The following TARS2 variants were observed in gnomAD, a reference collection of about 807,000 sequenced individuals.
The protein encoded by TARS2 is threonyl-tRNA synthetase 2, mitochondrial.
A neutral mutation model predicts 94.4 loss-of-function variants in TARS2; 61 were observed. That is an observed-to-expected ratio of 0.65 (90% CI 0.53 to 0.80). The LOEUF (loss-of-function observed/expected upper bound fraction) is 0.80, where lower values mean the gene tolerates loss of function less well. Among genes scored for constraint, TARS2 ranks in the 30% least tolerant of loss-of-function variants. The pLI is 0.00. For missense variants in TARS2, 704 were observed against 902.5 expected (o/e 0.78, Z 2.82); for synonymous variants, 359 against 353.4 (o/e 1.02, Z -0.18).
At chr1:150,498,186 G>A (rs1263231068) in intron 10 of TARS2, among the ~76,000 whole-genome samples, 2 of 152,062 alleles carry the variant, frequency 1.3e-5, no homozygotes, top group Non-Finnish European at 2.9e-5. Flanking sequence ...GTAAATTTGG[G>A]AAACTCATTT....
At position 150,497,618 on chromosome 1, in the gene TARS2, A is replaced by C; in HGVS notation, c.1109A>C (p.His370Pro). Residue 370 changes from histidine to proline, a missense_variant, in exon 10 of 18, where the codon CAT becomes CCT. His to Pro is a moderately conservative substitution (Grantham distance 77). This residue lies in a region of TARS2 where 466 missense variants were observed against 609.5 expected (regional missense o/e 0.76). Coordinates refer to ENST00000369064, the MANE Select transcript of TARS2 (RefSeq NM_025150.5). ...KLWEQSGHWE[H>P]YQEDMFAVQP... is the part of the protein sequence containing the mutation. Reference sequence around the variant, plus strand: ...TGGGAACAGTCAGGGCACTGGGAGCATTATCAGGAAGACATGTTTGCCGTG... The same window carrying C: ...TGGGAACAGTCAGGGCACTGGGAGCCTTATCAGGAAGACATGTTTGCCGTG... The C allele has an allele frequency of 6.2e-7, 1 of 1,614,148 alleles. No homozygotes were observed. The highest frequency in any genetic ancestry group is 8.5e-7 in the Non-Finnish European group (1 of 1,180,022).
At chr1:150,492,161 T>C (rs1177132696) in intron 6 of TARS2, 1 of 392,390 alleles carries the variant, frequency 2.5e-6, no homozygotes, top group Non-Finnish European at 4.7e-6. Context: ...AGACGGGGTT[T>C]CACCATATTG....
intron 6 of TARS2, 50 bp from the exon 7 acceptor site, chr1:150,492,361 T>C: frequency 6.3e-7 from 1 of 1,580,950 alleles, no homozygotes; most frequent in Non-Finnish European, 8.7e-7. Flanking sequence ...GGGAGAAAGC[T>C]AGAAGCTGAA....
At position 150,507,379 on chromosome 1, in the gene TARS2, C is replaced by T. The variant is rs1670280110; in HGVS notation, c.*315C>T. On this transcript the variant is annotated 3_prime_UTR_variant, in exon 18 of 18. Coordinates refer to ENST00000369064, the MANE Select transcript of TARS2 (RefSeq NM_025150.5). ...GGTCAGGAGATCAAGACCACCCTGG[C>T]TAACACGGTGAAACCCTGTCTCTAC... is the stretch of plus-strand genomic sequence containing the variant. The T allele has an allele frequency of 4.6e-6, 1 of 215,368 alleles. No individual in the cohort carries two copies. Among genetic ancestry groups the T allele is most frequent in the African/African-American group, 2.3e-5 (1 of 43,236 alleles). The allele number at this position is 215,368 out of a possible 1,614,324, so 13.3% of individuals were successfully genotyped here. A position where few individuals can be genotyped will look rare whatever the true frequency, so the allele number is the denominator to read the frequency against.
At chr1:150,493,055 G>A (rs1669478199) in intron 7 of TARS2, among the ~76,000 whole-genome samples, 1 of 151,856 alleles carries the variant, frequency 6.6e-6, no homozygotes, top group African/African-American at 2.4e-5. Context: ...GCTACTTTTT[G>A]TATTTTTAGT....
At chr1:150,493,739 G>A (rs1337089859) in intron 7 of TARS2, among the ~76,000 whole-genome samples, 2 of 149,232 alleles carry the variant, frequency 1.3e-5, no homozygotes, top group Non-Finnish European at 3.0e-5. Context: ...GGCAACAAGA[G>A]CAAAACTCCG....
Position 150,497,728 on chromosome 1 carries a change from A to G in TARS2, c.1219A>G (p.Met407Val). The part of the protein sequence containing the change: ...HITDTLALKP[M>V]NCPAHCLMFA... ...CACAGATACACTCGCCCTCAAGCCT[A>G]TGAACTGCCCTGCACACTGGTAAGC... Residue 407 changes from methionine to valine, a missense_variant, in exon 10 of 18, where the codon ATG (methionine) becomes GTG (valine). Physicochemically the swap from Met to Val is conservative, Grantham distance 21 (BLOSUM62 1). Transcript: ENST00000369064. The G allele has an allele frequency of 1.2e-6, 2 of 1,614,062 alleles. No homozygotes were observed. The highest frequency in any genetic ancestry group is 1.1e-5 in the South Asian group (1 of 91,076).
At position 150,487,843 on chromosome 1, in the gene TARS2, T is replaced by C. The variant is rs777723927; in HGVS notation, c.67-15T>C. On this transcript the variant is annotated splice_polypyrimidine_tract_variant and intron_variant, in intron 1 of 17. Transcript: ENST00000369064. ...ATGGGACGTGTGTTACCTGCTAATA[T>C]ATCTTTCCCTCCAGGCAGTTGTGTC... 5.6e-6 allele frequency: 9 copies of C among 1,609,462 alleles called. No homozygotes were observed. The highest frequency in any genetic ancestry group is 2.2e-5 in the South Asian group (2 of 90,952).
rs963374772 is a variant in TARS2, at chr1:150,507,208, G to A, written c.*144G>A. 2.1e-4 allele frequency: 246 copies of A among 1,148,888 alleles called. No homozygotes were observed. The highest frequency in any genetic ancestry group is 3.0e-4 in the Middle Eastern group (1 of 3,350). The allele number at this position is 1,148,888 out of a possible 1,614,324, so 71.2% of individuals were successfully genotyped here. A position where few individuals can be genotyped will look rare whatever the true frequency, so the allele number is the denominator to read the frequency against. ...TGTCTGCTCTCCTGAAAAGAGACTTGGTTTGGGGACCCCACAAAAGGAGGG... is the reference window on the plus strand; with the variant it reads ...TGTCTGCTCTCCTGAAAAGAGACTTAGTTTGGGGACCCCACAAAAGGAGGG... On this transcript the variant is annotated 3_prime_UTR_variant, in exon 18 of 18. Transcript: ENST00000369064.
intron 3 of TARS2, among the ~76,000 whole-genome samples, chr1:150,489,965 C>G (rs1053786745): frequency 4.0e-5 from 6 of 151,876 alleles, no homozygotes; most frequent in African/African-American, 1.5e-4. Flanking sequence ...ATTCTGAAGC[C>G]CTAAAAGCTT....
chr1:150,487,709 C>G, intron 1 of TARS2, 149 bp from the exon 2 acceptor site: 1 of 1,257,028 alleles, frequency 8.0e-7, no homozygotes, highest in Non-Finnish European at 1.1e-6. Flanking sequence ...GCTCGAAGGA[C>G]CCCCAGCCTA....
rs1029194220 is a variant in TARS2, at chr1:150,498,755, G to C, written c.1401+91G>C. The C allele has an allele frequency of 1.9e-6, 3 of 1,607,100 alleles. No homozygotes were observed. In the African/African-American group the frequency reaches 4.0e-5, roughly 22 times the overall value. ...AACCCCTGATCTTTATTTGCCCCCT[G>C]TATGTACTATAATTCAGCTACATTC... On this transcript the variant is annotated intron_variant, in intron 11 of 17. Coordinates refer to ENST00000369064, the MANE Select transcript of TARS2 (RefSeq NM_025150.5).
chr1:150,497,540 C>T lies in TARS2; in HGVS notation c.1031C>T (p.Ala344Val). 6.2e-7 allele frequency: 1 copy of T among 1,613,960 alleles called. No individual in the cohort carries two copies. Among genetic ancestry groups the T allele is most frequent in the Non-Finnish European group, 8.5e-7 (1 of 1,179,994 alleles). ...ALVAFIRAEY[A>V]HRGFSEVKTP... ...TACCCTCCTCTCCAGGCTGAGTATG[C>T]CCATCGTGGTTTCTCCGAGGTGAAA... is the stretch of plus-strand genomic sequence containing the variant. The change falls in exon 10 of 18, where the codon GCC becomes GTC. Residue 344 changes from alanine (A) to valine (V), a missense_variant. Ala to Val is a moderately conservative substitution (Grantham distance 64). Transcript: ENST00000369064.
rs587760653 is a variant in TARS2, at chr1:150,504,933, G to A, written c.1848G>A (p.Val616=). The change falls in exon 16 of 18, where the codon GTG becomes GTA. Residue 616 remains valine (V), a synonymous_variant. Coordinates refer to ENST00000369064, the MANE Select transcript of TARS2 (RefSeq NM_025150.5). ...KWPLWLSPFQ[V]VVIPVGSEQE... ...CACTGTGGCTGTCCCCGTTCCAGGTGGTGGTCATCCCTGTGGGGAGTGAGC... is the reference window on the plus strand; with the variant it reads ...CACTGTGGCTGTCCCCGTTCCAGGTAGTGGTCATCCCTGTGGGGAGTGAGC... The A allele has an allele frequency of 6.2e-7, 1 of 1,614,236 alleles. No homozygotes were observed. Among genetic ancestry groups the A allele is most frequent in the African/African-American group, 1.3e-5 (1 of 75,062 alleles).
At position 150,487,879 on chromosome 1, in the gene TARS2, C is replaced by G; in HGVS notation, c.88C>G (p.Arg30Gly). Residue 30 changes from arginine to glycine, a missense_variant, in exon 2 of 18, where the codon CGC becomes GGC. Arg to Gly is a moderately radical substitution (Grantham distance 125). Transcript: ENST00000369064. ...CCAGGCAGTTGTGTCGACCCCTCCA[C>G]GCTGGTTGGCAGAGCGGCTTGGCCT... The part of the protein sequence containing the change: ...LHTAVVSTPP[R>G]WLAERLGLFE... 1 of 1,613,232 alleles carries G rather than the reference C, an allele frequency of 6.2e-7. No homozygotes were observed. The highest frequency in any genetic ancestry group is 8.5e-7 in the Non-Finnish European group (1 of 1,179,912).
intron 13 of TARS2, among the ~76,000 whole-genome samples, chr1:150,501,393 C>T (rs917512719): frequency 7.2e-6 from 1 of 138,656 alleles, no homozygotes; most frequent in Non-Finnish European, 1.5e-5. Flanking sequence ...TCTCGGCTCA[C>T]TGCAAGCTCC....
At chr1:150,488,869 T>C in intron 2 of TARS2, 95 bp from the exon 3 acceptor site, 1 of 1,507,180 alleles carries the variant, frequency 6.6e-7, no homozygotes, top group South Asian at 1.3e-5. Flanking sequence ...GATCAACTTT[T>C]TAAACTCTCA....
chr1:150,490,797 T>C (rs1669348256), intron 4 of TARS2, 72 bp downstream of exon 4: 22 of 1,598,944 alleles, frequency 1.4e-5, no homozygotes, highest in Non-Finnish European at 1.9e-5. Context: ...GCCTTGGGCA[T>C]GCTCCATTTG....
chr1:150,490,286 T>A (rs1277688618), intron 3 of TARS2, among the ~76,000 whole-genome samples: 4 of 151,686 alleles, frequency 2.6e-5, no homozygotes, highest in Non-Finnish European at 5.9e-5. Flanking sequence ...GCCTGGCTAG[T>A]TTTGTATGTT....
Sources: allele counts gnomAD v4.1 joint callset (sites outside exome capture counted in the v4.1 genomes callset), GRCh38; gene constraint gnomAD v4.1.1; regional missense constraint gnomAD v4.1.1; transcripts MANE v1.5; gene names NCBI Gene and HGNC (gene_info 2026-07-23, HGNC 2026-07-21).